SPMIP2: variants seen among roughly 807,000 people sequenced by gnomAD.
SPMIP2 encodes sperm microtubule inner protein 2.
the SPMIP2 span, among the ~76,000 whole-genome samples, chr4:158,983,671 T>G: frequency 1.2e-5 from 1 of 84,020 alleles, no homozygotes; most frequent in African/African-American, 4.9e-5. Context: ...GAACAACTGG[T>G]ACCAGCCACT....
chr4:159,000,972 A>G, the SPMIP2 span, among the ~76,000 whole-genome samples: 1 of 152,266 alleles, frequency 6.6e-6, no homozygotes, highest in Admixed American at 6.5e-5. Flanking sequence ...ACATTTGTGT[A>G]TTAATCTTTT....
At chr4:158,929,354 T>C in the SPMIP2 span, among the ~76,000 whole-genome samples, 1 of 152,260 alleles carries the variant, frequency 6.6e-6, no homozygotes, top group African/African-American at 2.4e-5. Flanking sequence ...TTAGTCCATT[T>C]ACATTTAATG....
At chr4:159,029,230 A>G in the SPMIP2 span, among the ~76,000 whole-genome samples, 12 of 152,376 alleles carry the variant, frequency 7.9e-5, no homozygotes, top group South Asian at 2.5e-3. Context: ...AGCTTGCCCT[A>G]TTAGATTAAA....
At chr4:158,974,456 C>T in the SPMIP2 span, among the ~76,000 whole-genome samples, 8 of 152,256 alleles carry the variant, frequency 5.3e-5, no homozygotes, top group Middle Eastern at 3.4e-3. Flanking sequence ...TATCCATCCC[C>T]TTGCCCCCCA....
the SPMIP2 span, among the ~76,000 whole-genome samples, chr4:158,979,788 A>AG: frequency 6.3e-5 from 3 of 47,824 alleles, no homozygotes; most frequent in African/African-American, 1.5e-4. Flanking sequence ...TAGTTGCAAG[A>AG]GTTTTTTTTT....
the SPMIP2 span, chr4:158,973,363 C>A: frequency 8.4e-7 from 1 of 1,194,898 alleles, no homozygotes; most frequent in Non-Finnish European, 1.2e-6. Context: ...TTCTAAGATA[C>A]TTTTGTTATT....
the SPMIP2 span, among the ~76,000 whole-genome samples, chr4:158,920,317 TAGGGAACA>T: frequency 6.6e-6 from 1 of 152,082 alleles, no homozygotes; most frequent in Non-Finnish European, 1.5e-5. Context: ...CAGCAATTTT[TAGGGAACA>T]AGGGAAGACA....
At chr4:158,896,920 C>T in the SPMIP2 span, among the ~76,000 whole-genome samples, 386 of 151,744 alleles carry the variant, frequency 2.5e-3, 2 homozygotes, top group Non-Finnish European at 3.3e-3. Context: ...TAGGTATACA[C>T]GTGCCATGGT....
the SPMIP2 span, among the ~76,000 whole-genome samples, chr4:158,996,550 G>T: frequency 6.6e-6 from 1 of 152,164 alleles, no homozygotes; most frequent in Admixed American, 6.5e-5. Flanking sequence ...TTGCAAAATT[G>T]ATTAAACAAT....
the SPMIP2 span, among the ~76,000 whole-genome samples, chr4:159,004,289 CTTTTT>C: frequency 3.3e-4 from 26 of 78,930 alleles, no homozygotes; most frequent in Admixed American, 8.1e-4. Context: ...ACTCTGTGCT[CTTTTT>C]TTTTTTTTTT....
the SPMIP2 span, among the ~76,000 whole-genome samples, chr4:159,080,763 G>T: frequency 2.6e-5 from 4 of 151,912 alleles, no homozygotes; most frequent in African/African-American, 9.7e-5. Context: ...TTGAGACAGA[G>T]CCCAGGCTGG....
At chr4:158,923,681 T>C in the SPMIP2 span, among the ~76,000 whole-genome samples, 1 of 152,226 alleles carries the variant, frequency 6.6e-6, no homozygotes, top group Admixed American at 6.5e-5. Context: ...TACTTCTTCT[T>C]CTCCAATATG....
At chr4:158,976,700 C>T in the SPMIP2 span, among the ~76,000 whole-genome samples, 1 of 128,664 alleles carries the variant, frequency 7.8e-6, no homozygotes, top group Non-Finnish European at 1.6e-5. Context: ...GAGTCTCGCT[C>T]TGTCACCAGG....
the SPMIP2 span, among the ~76,000 whole-genome samples, chr4:159,017,468 A>C: frequency 6.6e-6 from 1 of 152,018 alleles, no homozygotes; most frequent in Non-Finnish European, 1.5e-5. Flanking sequence ...TAAGAGACAG[A>C]GTCTCACTTC....
the SPMIP2 span, among the ~76,000 whole-genome samples, chr4:158,912,217 T>C: frequency 2.0e-5 from 3 of 152,196 alleles, no homozygotes; most frequent in Non-Finnish European, 4.4e-5. Flanking sequence ...TTTCCAAAAG[T>C]ATTTTTAAGA....
At chr4:159,050,420 G>C in the SPMIP2 span, among the ~76,000 whole-genome samples, 2 of 151,594 alleles carry the variant, frequency 1.3e-5, no homozygotes, top group Non-Finnish European at 2.9e-5. Context: ...AAGGGGGATG[G>C]GTTAGGAGTA....
the SPMIP2 span, among the ~76,000 whole-genome samples, chr4:158,933,090 A>G: frequency 6.6e-6 from 1 of 152,084 alleles, no homozygotes; most frequent in Non-Finnish European, 1.5e-5. Flanking sequence ...TGCAACCTCC[A>G]TCTTCTGGGT....
the SPMIP2 span, among the ~76,000 whole-genome samples, chr4:159,000,565 G>A: frequency 1.4e-5 from 2 of 143,714 alleles, no homozygotes; most frequent in Admixed American, 7.5e-5. Flanking sequence ...TGCAATCTCC[G>A]CTCACTGCAA....
the SPMIP2 span, among the ~76,000 whole-genome samples, chr4:158,967,678 G>A: frequency 2.0e-5 from 3 of 152,176 alleles, no homozygotes; most frequent in Non-Finnish European, 4.4e-5. Context: ...TTTTATGATT[G>A]CTCTAGATGA....
Sources: allele counts gnomAD v4.1 joint callset (sites outside exome capture counted in the v4.1 genomes callset), GRCh38; gene constraint gnomAD v4.1.1; transcripts MANE v1.5; gene names NCBI Gene and HGNC (gene_info 2026-07-23, HGNC 2026-07-21).